PCNT: variants seen among roughly 807,000 people sequenced by gnomAD.
The protein encoded by PCNT is pericentrin.
PCNT carries 319 observed loss-of-function variants against 380.4 expected under a neutral mutation model. The ratio of observed to expected loss-of-function variants is 0.84; its 90% CI spans 0.77 to 0.92. The LOEUF (loss-of-function observed/expected upper bound fraction) is 0.92, where lower values mean the gene tolerates loss of function less well. Among genes scored for constraint, PCNT ranks in the 40% least tolerant of loss-of-function variants. The probability of loss-of-function intolerance (pLI) is 0.00; values close to 1 mark genes in which losing one functional copy is unlikely to be tolerated. For missense variants in PCNT, 4,400 were observed against 4,255.3 expected, an observed-to-expected ratio of 1.03 and a Z score of -0.95; for synonymous variants, 1,845 against 1,735.2, an observed-to-expected ratio of 1.06 and a Z score of -1.57.
At chr21:46,439,448 GC>G (rs1156763203) in intron 41 of PCNT, among the ~76,000 whole-genome samples, 2 of 152,138 alleles carry the variant, frequency 1.3e-5, no homozygotes, top group African/African-American at 4.8e-5. Flanking sequence ...GGATCCTCCT[GC>G]CTCAGCCTCC....
Position 46,353,312 on chromosome 21 carries a change from C to T in PCNT, c.1665C>T (p.Asp555=). The T allele has an allele frequency of 6.2e-7, 1 of 1,613,938 alleles. No individual in the cohort carries two copies. The highest frequency in any genetic ancestry group is 8.5e-7 in the Non-Finnish European group (1 of 1,179,890). The part of the protein sequence containing the change: ...LQGAREDALL[D]SVEVGLSCVG... ...GGGCGAGGGAAGATGCTCTTCTGGACTCTGTGGAAGTTGGGTAAGCAAAGC... is the reference window on the plus strand; with the variant it reads ...GGGCGAGGGAAGATGCTCTTCTGGATTCTGTGGAAGTTGGGTAAGCAAAGC... Residue 555 remains aspartate, a synonymous_variant, in exon 10 of 47, where the codon GAC becomes GAT. Transcript: ENST00000359568.
chr21:46,381,710 A>G lies in PCNT; in HGVS notation c.3182A>G (p.Glu1061Gly). ...TGTGTACAGGGTGAATTTGGAAGTGAAAAGAAAACTGCTTTGCATGAAAAA... is the reference window on the plus strand; with the variant it reads ...TGTGTACAGGGTGAATTTGGAAGTGGAAAGAAAACTGCTTTGCATGAAAAA... ...QGVHQGEFGS[E>G]KKTALHEKEE... The change falls in exon 16 of 47, where the codon GAA (glutamate) becomes GGA (glycine). Residue 1061 changes from glutamate (E) to glycine (G), a missense_variant. Transcript: ENST00000359568. 6.2e-7 allele frequency: 1 copy of G among 1,614,068 alleles called. No homozygotes were observed. Among genetic ancestry groups the G allele is most frequent in the South Asian group, 1.1e-5 (1 of 91,078 alleles).
At chr21:46,371,200 T>G (rs1018862323) in intron 15 of PCNT, among the ~76,000 whole-genome samples, 3 of 149,478 alleles carry the variant, frequency 2.0e-5, no homozygotes, top group Non-Finnish European at 4.5e-5. Context: ...CAGTATGGTT[T>G]ATTTTCTTTC....
At chr21:46,355,038 C>T (rs2084421909) in intron 11 of PCNT, among the ~76,000 whole-genome samples, 1 of 152,176 alleles carries the variant, frequency 6.6e-6, no homozygotes, top group Non-Finnish European at 1.5e-5. Context: ...TGACGAGGAC[C>T]CAGCTGTTAG....
At chr21:46,330,837 C>T (rs2083536616) in intron 2 of PCNT, among the ~76,000 whole-genome samples, 1 of 152,234 alleles carries the variant, frequency 6.6e-6, no homozygotes. Flanking sequence ...GCACTCCCCT[C>T]TCAGATGGTT....
chr21:46,388,928 C>A lies in PCNT; in HGVS notation c.3607+44C>A. 1 of 1,547,900 alleles carries A rather than the reference C, an allele frequency of 6.5e-7. No individual in the cohort carries two copies. The highest frequency in any genetic ancestry group is 8.7e-7 in the Non-Finnish European group (1 of 1,154,854). On this transcript the variant is annotated intron_variant, in intron 18 of 46. Coordinates refer to ENST00000359568, the MANE Select transcript of PCNT (RefSeq NM_006031.6). This position sits in a 1 kb window ranked among gnomAD's most constrained non-coding sequence, Gnocchi z 4.2. Reference sequence around the variant, plus strand: ...GCTGCCCAGCCCTGTGCTTGCAGCCCCTCTGTGGTCCTGGAGCTCTCTGAG... The same window carrying A: ...GCTGCCCAGCCCTGTGCTTGCAGCCACTCTGTGGTCCTGGAGCTCTCTGAG...
In PCNT at chr21:46,385,958, G is replaced by T. The variant is rs749782503; in HGVS notation, c.3439G>T (p.Asp1147Tyr). The T allele has an allele frequency of 2.5e-6, 4 of 1,614,156 alleles. No homozygotes were observed. Among genetic ancestry groups the T allele is most frequent in the Non-Finnish European group, 3.4e-6 (4 of 1,180,028 alleles). Reference protein sequence around the residue: ...GANLLSMLKADVNLSHSERGA... With the variant: ...GANLLSMLKAYVNLSHSERGA... ...AAACCTCCTCTCCATGCTCAAGGCCGACGTCAACCTGTCCCACAGCGAAAG... is the reference window on the plus strand; with the variant it reads ...AAACCTCCTCTCCATGCTCAAGGCCTACGTCAACCTGTCCCACAGCGAAAG... Residue 1147 changes from aspartate to tyrosine, a missense_variant, in exon 17 of 47, where the codon GAC (aspartate) becomes TAC (tyrosine). Transcript: ENST00000359568.
intron 4 of PCNT, 134 bp from the exon 5 acceptor site, chr21:46,346,609 C>A (rs1288856524): frequency 2.6e-6 from 3 of 1,150,662 alleles, no homozygotes; most frequent in African/African-American, 1.5e-5. Context: ...TGTGTCCTGC[C>A]CCTGCTTCCA....
chr21:46,414,885 C>G (rs560862521), intron 29 of PCNT, among the ~76,000 whole-genome samples: 1 of 152,288 alleles, frequency 6.6e-6, no homozygotes, highest in East Asian at 1.9e-4. Context: ...CACAGCCACC[C>G]ACCCTGCTCT....
At position 46,428,587 on chromosome 21, in the gene PCNT, C is replaced by CA; in HGVS notation, c.7688dup (p.Val2564GlyfsTer2). On this transcript the variant is annotated frameshift_variant, in exon 35 of 47. Coordinates refer to ENST00000359568, the MANE Select transcript of PCNT (RefSeq NM_006031.6). LOFTEE classifies it high-confidence loss of function. The stretch of plus-strand genomic sequence containing the variant: ...CCAGCAGGAGCACCAGCTGCGCAGG[C>CA]AGGGTGGGTGTCACTGTCTACACTG... 1 of 1,595,382 alleles carries CA rather than the reference C, an allele frequency of 6.3e-7. No homozygotes were observed. Among genetic ancestry groups the CA allele is most frequent in the Non-Finnish European group, 8.5e-7 (1 of 1,177,004 alleles).
Position 46,346,889 on chromosome 21 carries a change from C to G in PCNT, c.867C>G (p.Ala289=). 1 of 1,606,784 alleles carries G rather than the reference C, an allele frequency of 6.2e-7. No individual in the cohort carries two copies. The highest frequency in any genetic ancestry group is 8.5e-7 in the Non-Finnish European group (1 of 1,177,476). Residue 289 remains alanine (A), a synonymous_variant, in exon 5 of 47, where the codon GCC becomes GCG. Coordinates refer to ENST00000359568, the MANE Select transcript of PCNT (RefSeq NM_006031.6). ...GGGAGATGCTCAACAGCCGGCGTGC[C>G]CAGGAGCTGGCCCTGCTACAGAGCA... is the stretch of plus-strand genomic sequence containing the variant. ...ELREMLNSRR[A]QELALLQSRQ... is the part of the protein sequence containing the mutation.
Position 46,366,598 on chromosome 21 carries a change from G to T in PCNT, c.2624G>T (p.Arg875Leu). The part of the protein sequence containing the change: ...MLARSRFLEE[R>L]KEITEKFSAE... ...TGTTGCCGCAGGTTTTTAGAGGAAC[G>T]TAAAGAGATCACCGAGAAATTCAGT... Residue 875 changes from arginine (R) to leucine (L), a missense_variant, in exon 15 of 47, where the codon CGT becomes CTT. By Grantham distance (102) the Arg-to-Leu change is moderately radical. Coordinates refer to ENST00000359568, the MANE Select transcript of PCNT (RefSeq NM_006031.6). The T allele has an allele frequency of 6.2e-7, 1 of 1,614,040 alleles. No individual in the cohort carries two copies. Among genetic ancestry groups the T allele is most frequent in the Non-Finnish European group, 8.5e-7 (1 of 1,179,948 alleles).
intron 35 of PCNT, among the ~76,000 whole-genome samples, chr21:46,429,464 G>A (rs1253282132): frequency 1.4e-4 from 21 of 151,246 alleles, no homozygotes; most frequent in African/African-American, 3.9e-4. Flanking sequence ...GGCCGGCACT[G>A]TGCGATCGCT....
rs375869631 is a variant in PCNT at position 46,432,033 on chromosome 21, C to T, written c.8569C>T (p.Leu2857=). 1.4e-4 allele frequency: 231 copies of T among 1,613,834 alleles called. No homozygotes were observed. The highest frequency in any genetic ancestry group is 1.8e-4 in the Non-Finnish European group (216 of 1,180,044). The part of the protein sequence containing the change: ...VEALHTQKRE[L]RCSLEREREK... ...AGCCCTGCACACCCAAAAACGAGAG[C>T]TGAGATGCTCTCTGGAGAGAGAGAG... The change falls in exon 38 of 47, where the codon CTG becomes TTG. Residue 2857 remains leucine, a synonymous_variant. Coordinates refer to ENST00000359568, the MANE Select transcript of PCNT (RefSeq NM_006031.6).
At position 46,397,616 on chromosome 21, in the gene PCNT, G is replaced by T. The variant is rs1174721069; in HGVS notation, c.4446+122G>T. On this transcript the variant is annotated intron_variant, in intron 22 of 46. Transcript: ENST00000359568. Reference sequence around the variant, plus strand: ...ATGTTGAAGAGGGCGCCCCACACCTGCTGCACAGGTGCACCCAGGTCGCTG... The same window carrying T: ...ATGTTGAAGAGGGCGCCCCACACCTTCTGCACAGGTGCACCCAGGTCGCTG... The T allele has an allele frequency of 1.7e-5, 14 of 823,168 alleles. 1 individual carries two copies. The highest frequency in any genetic ancestry group is 2.8e-5 in the Non-Finnish European group (14 of 499,832). The allele number at this position is 823,168 out of a possible 1,614,324, so 51.0% of individuals were successfully genotyped here.
intron 43 of PCNT, among the ~76,000 whole-genome samples, chr21:46,441,966 G>A (rs2053617338): frequency 6.6e-6 from 1 of 152,084 alleles, no homozygotes; most frequent in South Asian, 2.1e-4. Context: ...TGTTCCGAAG[G>A]CCATCCTAGC....
In PCNT at chr21:46,326,533, A is replaced by G; in HGVS notation, c.211A>G (p.Lys71Glu). The change falls in exon 2 of 47, where the codon AAA becomes GAA. Residue 71 changes from lysine (K) to glutamate (E), a missense_variant. Physicochemically the swap from Lys to Glu is moderately conservative, Grantham distance 56. Transcript: ENST00000359568. Reference protein sequence around the residue: ...SALCGGGDICKSTSCDDTPDG... With the variant: ...SALCGGGDICESTSCDDTPDG... ...ACTCTGTGGAGGAGGGGACATTTGC[A>G]AAAGCACATCATGTGACGACACCCC... is the stretch of plus-strand genomic sequence containing the variant. 1.2e-6 allele frequency: 2 copies of G among 1,614,188 alleles called. No individual in the cohort carries two copies. Among genetic ancestry groups the G allele is most frequent in the Non-Finnish European group, 1.7e-6 (2 of 1,180,026 alleles).
intron 11 of PCNT, among the ~76,000 whole-genome samples, chr21:46,354,280 G>T (rs2084389883): frequency 6.6e-6 from 1 of 152,210 alleles, no homozygotes; most frequent in African/African-American, 2.4e-5. Context: ...GGGGGAGCCG[G>T]AGCCCCTCCC....
At chr21:46,361,271 A>G (rs1037996304) in intron 13 of PCNT, among the ~76,000 whole-genome samples, 1 of 152,192 alleles carries the variant, frequency 6.6e-6, no homozygotes, top group African/African-American at 2.4e-5. Flanking sequence ...CATGCCTATA[A>G]TCCCAGCTAC....
Sources: gnomAD v4.1 joint callset for allele counts (sites outside exome capture counted in the v4.1 genomes callset) on GRCh38, gnomAD v4.1.1 for gene constraint, Gnocchi (gnomAD v3.1) non-coding constraint, MANE v1.5 for transcripts, NCBI Gene and HGNC (gene_info 2026-07-23, HGNC 2026-07-21) for gene names.